APP: variants seen among roughly 807,000 people sequenced by gnomAD.
APP encodes the protein amyloid-beta precursor protein.
APP carries 31 observed loss-of-function variants against 101.4 expected under a neutral mutation model. That is an observed-to-expected ratio of 0.31 (90% CI 0.23 to 0.41). The LOEUF (loss-of-function observed/expected upper bound fraction) is 0.41. Among genes scored for constraint, APP ranks in the 10% least tolerant of loss-of-function variants. APP has a pLI of 1.00. For synonymous variants in APP, 366 were observed against 364.4 expected (o/e 1.00, Z -0.05); for missense variants, 839 against 1,003.7 (o/e 0.84, Z 2.22).
intron 7 of APP, among the ~76,000 whole-genome samples, chr21:25,998,779 GAAC>G (rs927741270): frequency 1.1e-4 from 17 of 151,394 alleles, no homozygotes; most frequent in Admixed American, 6.6e-4. Flanking sequence ...TCCTACTCAT[GAAC>G]AACAACAACA....
intron 1 of APP, among the ~76,000 whole-genome samples, chr21:26,113,873 T>C (rs1381024254): frequency 6.6e-6 from 1 of 152,196 alleles, no homozygotes; most frequent in Non-Finnish European, 1.5e-5. Context: ...GTATAGATAA[T>C]AACACTGCAA....
intron 11 of APP, among the ~76,000 whole-genome samples, chr21:25,969,853 A>AGAAAG (rs1460029372): frequency 9.3e-6 from 1 of 107,830 alleles, no homozygotes; most frequent in Non-Finnish European, 2.0e-5. Flanking sequence ...AGAAAAGAAA[A>AGAAAG]CAAAAGAAAA....
chr21:25,914,762 C>T (rs967700108), intron 13 of APP, among the ~76,000 whole-genome samples: 3 of 152,100 alleles, frequency 2.0e-5, no homozygotes, highest in Admixed American at 1.3e-4. Context: ...ACCGTGTTAG[C>T]CAGGATGGTC....
chr21:26,021,291 G>T (rs186432661), intron 6 of APP, among the ~76,000 whole-genome samples: 1 of 151,904 alleles, frequency 6.6e-6, no homozygotes, highest in Non-Finnish European at 1.5e-5. Flanking sequence ...CAGGTGATCC[G>T]CCTGCCTCGG....
chr21:25,995,168 T>C (rs910136317), intron 8 of APP, among the ~76,000 whole-genome samples: 2 of 152,250 alleles, frequency 1.3e-5, no homozygotes, highest in Admixed American at 6.5e-5. Context: ...CAGACAATGA[T>C]GCTTGTTTCC....
At chr21:26,156,561 A>C (rs1466157038) in intron 1 of APP, among the ~76,000 whole-genome samples, 1 of 151,400 alleles carries the variant, frequency 6.6e-6, no homozygotes, top group Admixed American at 6.6e-5. Context: ...TAAATCAGAT[A>C]AAGCAAACAA....
intron 3 of APP, among the ~76,000 whole-genome samples, chr21:26,087,598 T>C (rs752344174): frequency 1.8e-4 from 27 of 152,208 alleles, no homozygotes; most frequent in Non-Finnish European, 3.2e-4. Flanking sequence ...AGGAATAAAC[T>C]CCTTCCCTGA....
intron 6 of APP, among the ~76,000 whole-genome samples, chr21:26,002,154 T>C (rs536980254): frequency 6.6e-6 from 1 of 152,336 alleles, no homozygotes; most frequent in Non-Finnish European, 1.5e-5. Context: ...TAGCCACGTT[T>C]CCATCTGAAA....
At chr21:26,095,744 A>G (rs937730359) in intron 2 of APP, among the ~76,000 whole-genome samples, 7 of 152,220 alleles carry the variant, frequency 4.6e-5, no homozygotes, top group African/African-American at 1.7e-4. Context: ...ATAGGAAATA[A>G]AGATAAAAGT....
chr21:26,026,370 C>A (rs1256689609), intron 5 of APP, among the ~76,000 whole-genome samples: 1 of 152,182 alleles, frequency 6.6e-6, no homozygotes, highest in East Asian at 1.9e-4. Flanking sequence ...AAGGGACATT[C>A]CTACGAGGAA....
chr21:26,083,556 AAT>A (rs1309442800), intron 3 of APP, among the ~76,000 whole-genome samples: 2 of 152,238 alleles, frequency 1.3e-5, no homozygotes, highest in East Asian at 3.8e-4. Flanking sequence ...TTGTACGTTG[AAT>A]ATATGTTACT....
chr21:26,020,538 T>G (rs766594386), intron 6 of APP, among the ~76,000 whole-genome samples: 26 of 152,278 alleles, frequency 1.7e-4, no homozygotes, highest in Middle Eastern at 6.8e-3. Context: ...TAAGCTCTAA[T>G]AGAACAATAA....
At chr21:26,094,816 T>C (rs968913306) in intron 2 of APP, among the ~76,000 whole-genome samples, 5 of 151,678 alleles carry the variant, frequency 3.3e-5, no homozygotes, top group African/African-American at 1.2e-4. Flanking sequence ...GCTCTATAAA[T>C]AAATGAGTTT....
chr21:26,046,707 T>C (rs2045625780), intron 5 of APP, among the ~76,000 whole-genome samples: 1 of 152,194 alleles, frequency 6.6e-6, no homozygotes, highest in Admixed American at 6.5e-5. Flanking sequence ...AGGAAAAGTG[T>C]GACTCTACAA....
chr21:25,951,834 A>G (rs1349054951), intron 13 of APP, among the ~76,000 whole-genome samples: 1 of 152,228 alleles, frequency 6.6e-6, no homozygotes, highest in East Asian at 1.9e-4. Flanking sequence ...CCCCTGGCCA[A>G]TCTTGAAGTT....
intron 15 of APP, among the ~76,000 whole-genome samples, chr21:25,898,217 T>A (rs568213006): frequency 6.6e-6 from 1 of 152,336 alleles, no homozygotes; most frequent in Admixed American, 6.5e-5. Flanking sequence ...TAGTCAAGTG[T>A]TCTAGTTACA....
intron 1 of APP, among the ~76,000 whole-genome samples, chr21:26,126,278 T>C (rs2062682943): frequency 6.6e-6 from 1 of 152,228 alleles, no homozygotes; most frequent in Admixed American, 6.5e-5. Flanking sequence ...GTAATTAGAA[T>C]AGAAGTGCCT....
At chr21:25,956,576 C>G (rs2041331415) in intron 11 of APP, among the ~76,000 whole-genome samples, 1 of 152,114 alleles carries the variant, frequency 6.6e-6, no homozygotes, top group African/African-American at 2.4e-5. Flanking sequence ...TTCATTAAAA[C>G]AAACAAACAA....
chr21:26,083,182 G>A (rs1321139272), intron 3 of APP, among the ~76,000 whole-genome samples: 5 of 152,038 alleles, frequency 3.3e-5, no homozygotes, highest in African/African-American at 1.2e-4. Context: ...AAGGCATTCC[G>A]CCAATAACTG....
Sources: gnomAD v4.1 joint callset for allele counts (sites outside exome capture counted in the v4.1 genomes callset) on GRCh38, gnomAD v4.1.1 for gene constraint, MANE v1.5 for transcripts, NCBI Gene and HGNC (gene_info 2026-07-23, HGNC 2026-07-21) for gene names.